PLEKHH2: variants seen among roughly 807,000 people sequenced by gnomAD.
PLEKHH2 encodes the protein pleckstrin homology, MyTH4 and FERM domain containing H2, also known as pleckstrin homology domain-containing family H member 2.
In PLEKHH2, 129 loss-of-function variants were observed where a neutral mutation model predicts 187.9. The ratio of observed to expected loss-of-function variants is 0.69; its 90% confidence interval spans 0.59 to 0.79. The LOEUF (loss-of-function observed/expected upper bound fraction) is 0.79, where lower values mean the gene tolerates loss of function less well. Among genes scored for constraint, PLEKHH2 ranks in the 30% least tolerant of loss-of-function variants. The pLI is 0.00. For missense variants in PLEKHH2, 2,076 were observed against 1,751.2 expected, an observed-to-expected ratio of 1.19 and a Z score of -3.31; for synonymous variants, 686 against 605.6, an observed-to-expected ratio of 1.13 and a Z score of -1.95.
intron 15 of PLEKHH2, among the ~76,000 whole-genome samples, chr2:43,713,089 A>G (rs1670045957): frequency 7.3e-6 from 1 of 137,572 alleles, no homozygotes; most frequent in African/African-American, 3.3e-5. Flanking sequence ...GAACAAATCA[A>G]TATCAAATCA....
chr2:43,674,810 C>T (rs947554988), intron 2 of PLEKHH2, among the ~76,000 whole-genome samples: 5 of 151,952 alleles, frequency 3.3e-5, no homozygotes, highest in Admixed American at 2.0e-4. Flanking sequence ...TATGGTGAAA[C>T]GCTGTCTCTA....
chr2:43,668,841 T>C, intron 2 of PLEKHH2, among the ~76,000 whole-genome samples: 1 of 152,176 alleles, frequency 6.6e-6, no homozygotes, highest in South Asian at 2.1e-4. Context: ...ACTCTTCAAT[T>C]TGTGTTTCCA....
At chr2:43,690,646 TA>T (rs1178320649) in intron 3 of PLEKHH2, among the ~76,000 whole-genome samples, 4 of 152,250 alleles carry the variant, frequency 2.6e-5, no homozygotes, top group Non-Finnish European at 5.9e-5. Context: ...GCTTTCACAT[TA>T]TTTTTTCTCT....
rs753259831 is a variant in PLEKHH2 at position 43,692,501 on chromosome 2, C to T, written c.187-13C>T. On this transcript the variant is annotated splice_polypyrimidine_tract_variant and intron_variant, in intron 3 of 29. Transcript: ENST00000282406. ...TACACACACAATTTTAATATTTTAT[C>T]CTTTGAATTTAGGTACAAGTTATGG... The T allele has an allele frequency of 1.4e-5, 22 of 1,543,630 alleles. No homozygotes were observed. The Middle Eastern group carries it at 5.5e-4, about 39-fold the overall frequency.
chr2:43,761,898 C>T (rs1052480399), intron 27 of PLEKHH2, among the ~76,000 whole-genome samples: 6 of 152,164 alleles, frequency 3.9e-5, no homozygotes, highest in South Asian at 4.1e-4. Flanking sequence ...CACTACACAA[C>T]TTATCAAGCA....
intron 3 of PLEKHH2, among the ~76,000 whole-genome samples, chr2:43,686,275 C>G (rs113148982): frequency 0.07 from 10,657 of 152,218 alleles, 508 homozygotes; most frequent in Middle Eastern, 0.17. Context: ...TGGCTCACCG[C>G]AGCCTCTGCC....
chr2:43,683,669 A>T (rs1572549914), intron 3 of PLEKHH2, among the ~76,000 whole-genome samples: 1 of 152,174 alleles, frequency 6.6e-6, no homozygotes, highest in Middle Eastern at 3.4e-3. Flanking sequence ...TATTTCCTGT[A>T]AAATATAGTT....
Position 43,699,658 on chromosome 2 carries a change from C to G in PLEKHH2, c.700C>G (p.Pro234Ala), listed in dbSNP as rs1669256441. The G allele has an allele frequency of 6.2e-7, 1 of 1,610,596 alleles. No homozygotes were observed. The highest frequency in any genetic ancestry group is 8.5e-7 in the Non-Finnish European group (1 of 1,178,310). Residue 234 changes from proline to alanine, a missense_variant, in exon 8 of 30, where the codon CCA (proline) becomes GCA (alanine). Physicochemically the swap from Pro to Ala is conservative, Grantham distance 27. Transcript: ENST00000282406. ...GTATCCTTTTCTAGAAATGGAAATT[C>G]CAGAAAAGTCTGTTGATAACCAAGT... is the stretch of plus-strand genomic sequence containing the variant. Reference protein sequence around the residue: ...EGKDMEEMEIPEKSVDNQVLE... With the variant: ...EGKDMEEMEIAEKSVDNQVLE...
Position 43,679,505 on chromosome 2 carries a change from T to G in PLEKHH2, c.186+580T>G, listed in dbSNP as rs1034942256. ...GAATGATTTTTTCCCTTTTTTTTTTTTTTTTTTTGAGACGGAATCTTGCTC... is the reference window on the plus strand; with the variant it reads ...GAATGATTTTTTCCCTTTTTTTTTTGTTTTTTTTGAGACGGAATCTTGCTC... On this transcript the variant is annotated intron_variant, in intron 3 of 29. Transcript: ENST00000282406. 1.4e-5 allele frequency: 5 copies of G among 365,808 alleles called. No individual in the cohort carries two copies. The Admixed American group carries it at 1.8e-4, about 13-fold the overall frequency. The allele number at this position is 365,808 out of a possible 1,614,324, so 22.7% of individuals were successfully genotyped here.
intron 3 of PLEKHH2, among the ~76,000 whole-genome samples, chr2:43,682,827 T>G (rs6544686): frequency 0.63 from 95,243 of 151,916 alleles, 31,069 homozygotes; most frequent in African/African-American, 0.78. Flanking sequence ...TATATACTAT[T>G]TGATCTTTAG....
chr2:43,756,375 C>T (rs1014332761), intron 25 of PLEKHH2, among the ~76,000 whole-genome samples: 11 of 152,058 alleles, frequency 7.2e-5, no homozygotes, highest in Non-Finnish European at 1.5e-4. Flanking sequence ...TGACTGCAAC[C>T]TCCGCCTCCT....
intron 23 of PLEKHH2, among the ~76,000 whole-genome samples, chr2:43,745,035 C>T (rs920061464): frequency 8.6e-5 from 13 of 151,822 alleles, no homozygotes; most frequent in African/African-American, 2.4e-4. Context: ...AGAACTAGGC[C>T]GGGTGTGGTG....
chr2:43,744,230 G>T (rs967900223), intron 23 of PLEKHH2: 15 of 830,896 alleles, frequency 1.8e-5, no homozygotes, highest in Non-Finnish European at 2.4e-5. Context: ...TAATGGAAAT[G>T]ATACTCTAAG....
At chr2:43,742,625 G>A in intron 21 of PLEKHH2, 116 bp from the exon 22 acceptor site, 1 of 731,796 alleles carries the variant, frequency 1.4e-6, no homozygotes, top group Non-Finnish European at 2.0e-6. Flanking sequence ...AAAAGTTACT[G>A]TCAAAATTAG....
At chr2:43,697,604 G>C (rs953057998) in intron 7 of PLEKHH2, among the ~76,000 whole-genome samples, 1 of 152,118 alleles carries the variant, frequency 6.6e-6, no homozygotes, top group African/African-American at 2.4e-5. Context: ...GTAGGTGGAA[G>C]GTGGGTATTT....
chr2:43,728,553 C>T (rs1373615424), intron 17 of PLEKHH2, among the ~76,000 whole-genome samples: 1 of 139,900 alleles, frequency 7.1e-6, no homozygotes, highest in East Asian at 2.0e-4. Flanking sequence ...GTTTGTTCAA[C>T]ACAATACTCT....
intron 9 of PLEKHH2, among the ~76,000 whole-genome samples, 176 bp from the exon 10 acceptor site, chr2:43,706,146 G>A (rs1159310422): frequency 1.3e-5 from 2 of 152,146 alleles, no homozygotes; most frequent in Admixed American, 1.3e-4. Flanking sequence ...ATGTAAAAAA[G>A]TGTATAAATA....
At chr2:43,737,846 G>T (rs973523839) in intron 19 of PLEKHH2, among the ~76,000 whole-genome samples, 1 of 152,214 alleles carries the variant, frequency 6.6e-6, no homozygotes, top group Non-Finnish European at 1.5e-5. Context: ...CTATGGATCT[G>T]AATGTCAGGA....
chr2:43,650,474 G>C (rs1666415423), intron 2 of PLEKHH2, among the ~76,000 whole-genome samples: 1 of 151,814 alleles, frequency 6.6e-6, no homozygotes, highest in Non-Finnish European at 1.5e-5. Flanking sequence ...ATTGGCTATG[G>C]AATTGACCCA....
Sources: gnomAD v4.1 joint callset for allele counts (sites outside exome capture counted in the v4.1 genomes callset) on GRCh38, gnomAD v4.1.1 for gene constraint, MANE v1.5 for transcripts, NCBI Gene and HGNC (gene_info 2026-07-23, HGNC 2026-07-21) for gene names.